The following TRAPPC9 variants were observed in gnomAD, a reference collection of about 807,000 sequenced individuals.
The protein encoded by TRAPPC9 is trafficking protein particle complex subunit 9.
A neutral mutation model predicts 124.0 loss-of-function variants in TRAPPC9; 83 were observed. The observed-to-expected ratio is 0.67, with a 90% CI of 0.56 to 0.80. The LOEUF (loss-of-function observed/expected upper bound fraction) is 0.80. Ranked by LOEUF, TRAPPC9 falls within the 30% of genes least tolerant of loss-of-function variation. TRAPPC9 has a pLI of 0.00. For missense variants in TRAPPC9, 1,302 were observed against 1,508.3 expected (o/e 0.86, Z 2.27); for synonymous variants, 638 against 617.5 (o/e 1.03, Z -0.49).
intron 14 of TRAPPC9, among the ~76,000 whole-genome samples, chr8:140,279,487 A>AT (rs1271151947): frequency 2.0e-5 from 3 of 152,196 alleles, no homozygotes; most frequent in African/African-American, 4.8e-5. Flanking sequence ...ATTATATACA[A>AT]TTTTTTAAAA....
chr8:140,017,801 A>C (rs1839563036), intron 18 of TRAPPC9, among the ~76,000 whole-genome samples: 1 of 152,210 alleles, frequency 6.6e-6, no homozygotes, highest in Admixed American at 6.5e-5. Context: ...GTTCGGGGAA[A>C]ACCACTATCT....
chr8:139,918,606 G>A (rs1446808107), intron 19 of TRAPPC9, among the ~76,000 whole-genome samples: 2 of 152,328 alleles, frequency 1.3e-5, no homozygotes, highest in African/African-American at 4.8e-5. Flanking sequence ...CGCCTTCCCC[G>A]AGCAGTGCTG....
chr8:140,378,382 T>C (rs2068508024), intron 7 of TRAPPC9, among the ~76,000 whole-genome samples: 1 of 151,998 alleles, frequency 6.6e-6, no homozygotes, highest in South Asian at 2.1e-4. Flanking sequence ...AGGCAGAAAA[T>C]ATGAAAAGAC....
chr8:139,869,805 A>G (rs1828780795), intron 21 of TRAPPC9, among the ~76,000 whole-genome samples: 1 of 152,244 alleles, frequency 6.6e-6, no homozygotes, highest in South Asian at 2.1e-4. Flanking sequence ...TTTAAAAACT[A>G]TCTTTTAACT....
rs114298745 is a variant in TRAPPC9 at position 140,447,046 on chromosome 8, G to A, written c.584+3744C>T. ...CGGGAATCACAGGCCAGAAACGTTC[G>A]CTCAGAAGCCCAGGATCAAGCATGG... On this transcript the variant is annotated intron_variant, in intron 2 of 22. Transcript: ENST00000438773. Among the ~76,000 whole-genome samples the A allele has an allele frequency of 1.8e-3, 268 of 152,270 alleles. 2 individuals carry two copies. The highest frequency in any genetic ancestry group is 6.0e-3 in the African/African-American group (248 of 41,558).
chr8:139,908,116 G>A (rs969243639), intron 20 of TRAPPC9, among the ~76,000 whole-genome samples: 1 of 152,202 alleles, frequency 6.6e-6, no homozygotes, highest in Non-Finnish European at 1.5e-5. Context: ...CCTGGGAGGG[G>A]AGGGGAGGGC....
chr8:139,804,519 C>T (rs1335567859), intron 21 of TRAPPC9, among the ~76,000 whole-genome samples: 11 of 141,872 alleles, frequency 7.8e-5, no homozygotes, highest in African/African-American at 2.9e-4. Flanking sequence ...CACCCACCAC[C>T]GCCACCACAC....
chr8:139,996,330 C>A (rs181153302), intron 18 of TRAPPC9, among the ~76,000 whole-genome samples: 18 of 151,818 alleles, frequency 1.2e-4, no homozygotes, highest in Admixed American at 1.2e-3. Flanking sequence ...GAACATTCCA[C>A]CCAAAAGCAG....
chr8:140,351,999 C>A (rs553777418), intron 9 of TRAPPC9, among the ~76,000 whole-genome samples: 1 of 152,326 alleles, frequency 6.6e-6, no homozygotes, highest in Admixed American at 6.5e-5. Flanking sequence ...CGCCTCAACC[C>A]CATACCCTTT....
chr8:140,114,332 GAAAAAAAAAA>G (rs59499088), intron 17 of TRAPPC9, among the ~76,000 whole-genome samples: 38 of 117,042 alleles, frequency 3.2e-4, no homozygotes, highest in Non-Finnish European at 5.0e-4. Context: ...AAGGACTGAA[GAAAAAAAAAA>G]AAAAAAAAAC....
At chr8:139,957,652 G>C (rs991919991) in intron 19 of TRAPPC9, among the ~76,000 whole-genome samples, 1 of 152,198 alleles carries the variant, frequency 6.6e-6, no homozygotes, top group Non-Finnish European at 1.5e-5. Flanking sequence ...AGAAGCAAGT[G>C]TCACATTCCC....
intron 9 of TRAPPC9, among the ~76,000 whole-genome samples, chr8:140,327,000 C>T (rs2066755615): frequency 6.6e-6 from 1 of 152,124 alleles, no homozygotes; most frequent in African/African-American, 2.4e-5. Context: ...GCCTGTAATC[C>T]CAGCACTCTG....
intron 17 of TRAPPC9, among the ~76,000 whole-genome samples, chr8:140,175,280 C>G (rs1464659348): frequency 6.6e-6 from 1 of 151,730 alleles, no homozygotes; most frequent in African/African-American, 2.4e-5. Flanking sequence ...GAATTATGAA[C>G]CTCCATTACA....
chr8:140,064,599 T>C (rs991204996), intron 17 of TRAPPC9, among the ~76,000 whole-genome samples: 5 of 152,134 alleles, frequency 3.3e-5, no homozygotes, highest in East Asian at 1.9e-4. Flanking sequence ...CAAAGAGAAA[T>C]TGACATGCAT....
chr8:140,035,367 T>C (rs573720095), intron 17 of TRAPPC9, among the ~76,000 whole-genome samples: 1 of 152,326 alleles, frequency 6.6e-6, no homozygotes, highest in East Asian at 1.9e-4. Flanking sequence ...TCCAAAGTTG[T>C]ATGACTGAAA....
At chr8:140,439,253 ACT>A in intron 2 of TRAPPC9, 56 bp from the exon 3 acceptor site, 4 of 1,588,860 alleles carry the variant, frequency 2.5e-6, no homozygotes, top group Non-Finnish European at 8.6e-7. Context: ...CCCAGAAAGC[ACT>A]CTGACTAAGC....
At chr8:140,123,869 C>A (rs1440219031) in intron 17 of TRAPPC9, among the ~76,000 whole-genome samples, 1 of 152,110 alleles carries the variant, frequency 6.6e-6, no homozygotes, top group African/African-American at 2.4e-5. Context: ...GAAATGGGTC[C>A]ATCAGGAGAG....
chr8:140,426,548 T>G, intron 5 of TRAPPC9, 67 bp downstream of exon 5: 1 of 1,460,262 alleles, frequency 6.8e-7, no homozygotes, highest in Non-Finnish European at 9.6e-7. Flanking sequence ...TAACCATTCA[T>G]TCACATCACC....
At chr8:139,910,081 T>C (rs1454174721) in intron 20 of TRAPPC9, 66 bp downstream of exon 20, 1 of 1,588,386 alleles carries the variant, frequency 6.3e-7, no homozygotes, top group Non-Finnish European at 8.6e-7. Flanking sequence ...CTCACGGGTC[T>C]TTCTTAGAGG....
Sources: allele counts gnomAD v4.1 joint callset (sites outside exome capture counted in the v4.1 genomes callset), GRCh38; gene constraint gnomAD v4.1.1; transcripts MANE v1.5; gene names NCBI Gene and HGNC (gene_info 2026-07-23, HGNC 2026-07-21).